Variants in RERE observed in about 807,000 individuals in gnomAD.
The protein encoded by RERE is arginine-glutamic acid dipeptide repeats protein.
A neutral mutation model predicts 146.1 loss-of-function variants in RERE; 40 were observed. The ratio of observed to expected loss-of-function variants is 0.27; its 90% confidence interval spans 0.21 to 0.36. The LOEUF (loss-of-function observed/expected upper bound fraction) is 0.36, where lower values mean the gene tolerates loss of function less well. Ranked by LOEUF, RERE falls within the 10% of genes least tolerant of loss-of-function variation. The probability of loss-of-function intolerance (pLI) is 1.00; values close to 1 mark genes in which losing one functional copy is unlikely to be tolerated. For synonymous variants in RERE, 1,003 were observed against 866.0 expected (o/e 1.16, Z -2.78); for missense variants, 1,933 against 2,138.7 (o/e 0.90, Z 1.90).
At chr1:8,530,684 T>TA (rs1553180721) in intron 7 of RERE, among the ~76,000 whole-genome samples, 2 of 122,818 alleles carry the variant, frequency 1.6e-5, no homozygotes, top group Non-Finnish European at 3.6e-5. Context: ...GTTTTCTTTT[T>TA]TTTTTTTTTT....
intron 2 of RERE, among the ~76,000 whole-genome samples, chr1:8,635,751 A>G (rs931117231): frequency 1.3e-5 from 2 of 152,100 alleles, no homozygotes; most frequent in African/African-American, 4.8e-5. Context: ...AATAAAGAAT[A>G]TGAAGGATTC....
At chr1:8,568,939 G>T (rs550779479) in intron 4 of RERE, among the ~76,000 whole-genome samples, 3 of 152,256 alleles carry the variant, frequency 2.0e-5, no homozygotes, top group Admixed American at 6.5e-5. Context: ...CTAAATGTCA[G>T]ATTCAGCTTT....
chr1:8,581,342 G>C (rs553811838), intron 4 of RERE, among the ~76,000 whole-genome samples: 38 of 152,248 alleles, frequency 2.5e-4, no homozygotes, highest in African/African-American at 8.9e-4. Context: ...TAAGAGTGTT[G>C]TTTGTTGGAA....
chr1:8,396,546 G>C (rs1643062014), intron 12 of RERE, among the ~76,000 whole-genome samples: 1 of 152,138 alleles, frequency 6.6e-6, no homozygotes, highest in South Asian at 2.1e-4. Context: ...GGATAACAAC[G>C]GAAGCAGTCA....
intron 6 of RERE, 125 bp from the exon 7 acceptor site, chr1:8,541,443 C>G: frequency 1.7e-6 from 1 of 592,274 alleles, no homozygotes; most frequent in Admixed American, 3.1e-5. Flanking sequence ...GCTACAAACA[C>G]CACACTTTAT....
intron 1 of RERE, among the ~76,000 whole-genome samples, chr1:8,701,679 G>C (rs1337525184): frequency 6.6e-6 from 1 of 152,136 alleles, no homozygotes; most frequent in Admixed American, 6.5e-5. Context: ...CCTGCCAAGC[G>C]CCAGCGCCTG....
At chr1:8,789,301 A>AAAAAAAAAAAATATATATATAT in intron 1 of RERE, among the ~76,000 whole-genome samples, 1 of 24,814 alleles carries the variant, frequency 4.0e-5, no homozygotes, top group Non-Finnish European at 6.5e-5. Context: ...AAAAAAAAAA[A>AAAAAAAAAAAATATATATATAT]ATATATATAT....
chr1:8,811,531 C>T (rs1442882478), intron 1 of RERE, among the ~76,000 whole-genome samples: 1 of 152,182 alleles, frequency 6.6e-6, no homozygotes, highest in African/African-American at 2.4e-5. Context: ...TAACTTGAGC[C>T]CAGGAGTTCA....
At chr1:8,763,781 G>C (rs1569741659) in intron 1 of RERE, among the ~76,000 whole-genome samples, 1 of 151,648 alleles carries the variant, frequency 6.6e-6, no homozygotes, top group African/African-American at 2.4e-5. Context: ...TCTACTAAAA[G>C]TACAAAAATT....
chr1:8,450,397 G>A (rs1644376815), intron 11 of RERE, among the ~76,000 whole-genome samples: 1 of 147,832 alleles, frequency 6.8e-6, no homozygotes, highest in African/African-American at 2.5e-5. Context: ...TGGAGGCAAC[G>A]CTCACCTCCC....
At chr1:8,549,833 T>C (rs1645912424) in intron 6 of RERE, among the ~76,000 whole-genome samples, 1 of 152,130 alleles carries the variant, frequency 6.6e-6, no homozygotes, top group Admixed American at 6.5e-5. Context: ...AATGCCTAAC[T>C]TCAGAAAAGC....
chr1:8,552,045 G>C (rs6577499), intron 6 of RERE, among the ~76,000 whole-genome samples: 88,547 of 152,060 alleles, frequency 0.58, 26,456 homozygotes, highest in East Asian at 0.84. Context: ...CTAAGGTCAA[G>C]AATTCAAAAC....
rs1279895205 is a variant in RERE at position 8,354,922 on chromosome 1, CGA to C, written c.*163_*164del. On this transcript the variant is annotated 3_prime_UTR_variant, in exon 23 of 23. Coordinates refer to ENST00000400908, the MANE Select transcript of RERE (RefSeq NM_001042681.2). Reference sequence around the variant, plus strand: ...AGTCTCAGGAAATCCTCTCGACAAACGAACACTACTATGTGGATACATTTTTA... The same window carrying C: ...AGTCTCAGGAAATCCTCTCGACAAACACACTACTATGTGGATACATTTTTA... 1.6e-6 allele frequency: 1 copy of C among 627,256 alleles called. No homozygotes were observed. Among genetic ancestry groups the C allele is most frequent in the Non-Finnish European group, 2.7e-6 (1 of 364,326 alleles). 38.9% of individuals were successfully genotyped at this position (627,256 alleles called of 1,614,324 possible). A position where few individuals can be genotyped will look rare whatever the true frequency, so the allele number is the denominator to read the frequency against.
chr1:8,687,974 AT>A (rs1479370712), intron 1 of RERE, among the ~76,000 whole-genome samples: 2 of 152,232 alleles, frequency 1.3e-5, no homozygotes, highest in African/African-American at 4.8e-5. Flanking sequence ...AAGAACTGCC[AT>A]ATAAAAATCT....
intron 1 of RERE, among the ~76,000 whole-genome samples, chr1:8,760,084 G>A (rs1640723304): frequency 6.6e-6 from 1 of 152,110 alleles, no homozygotes; most frequent in Admixed American, 6.5e-5. Context: ...GGAGTGCAGT[G>A]GCGTAATCTC....
Position 8,584,853 on chromosome 1 carries a change from GAAGT to G in RERE, c.523-27334_523-27331del, listed in dbSNP as rs1309390076. Among the ~76,000 whole-genome samples the G allele has an allele frequency of 2.0e-5, 3 of 152,198 alleles. No homozygotes were observed. The East Asian group carries it at 5.8e-4, about 29-fold the overall frequency. On this transcript the variant is annotated intron_variant, in intron 4 of 22. Coordinates refer to ENST00000400908, the MANE Select transcript of RERE (RefSeq NM_001042681.2). ...CTACTGTATAGGTAGATGAGATAAA[GAAGT>G]AATTATGAGTCCAGGCCCAGTGGCT...
At chr1:8,719,285 G>A (rs1232149505) in intron 1 of RERE, among the ~76,000 whole-genome samples, 1 of 152,128 alleles carries the variant, frequency 6.6e-6, no homozygotes, top group African/African-American at 2.4e-5. Context: ...AGAGCACAGT[G>A]GAGCCACACA....
At chr1:8,513,704 T>C (rs956005289) in intron 7 of RERE, among the ~76,000 whole-genome samples, 9 of 152,122 alleles carry the variant, frequency 5.9e-5, no homozygotes, top group Non-Finnish European at 1.0e-4. Flanking sequence ...TGCTTGAACC[T>C]GGGAGGCAGA....
chr1:8,728,019 G>A (rs1412323285), intron 1 of RERE, among the ~76,000 whole-genome samples: 1 of 152,178 alleles, frequency 6.6e-6, no homozygotes, highest in Non-Finnish European at 1.5e-5. Context: ...ACGAACCTCA[G>A]CCAACGCAGC....
Sources: gnomAD v4.1 joint callset for allele counts (sites outside exome capture counted in the v4.1 genomes callset) on GRCh38, gnomAD v4.1.1 for gene constraint, MANE v1.5 for transcripts, NCBI Gene and HGNC (gene_info 2026-07-23, HGNC 2026-07-21) for gene names.